Variants in TNK2 observed in about 807,000 individuals in gnomAD.
The protein encoded by TNK2 is activated CDC42 kinase 1.
In TNK2, 83 loss-of-function variants were observed where a neutral mutation model predicts 101.8. That is an observed-to-expected ratio of 0.82 (90% CI 0.68 to 0.98). TNK2 has a LOEUF of 0.98. TNK2 is among the 50% of genes least tolerant of loss of function. The pLI, the probability that TNK2 is intolerant of heterozygous loss-of-function variation, is 0.00. For missense variants in TNK2, 1,665 were observed against 1,483.2 expected (o/e 1.12, Z -2.01); for synonymous variants, 804 against 633.0 (o/e 1.27, Z -4.06).
At chr3:195,890,620 G>A (rs1180700102) in intron 1 of TNK2, among the ~76,000 whole-genome samples, 1 of 152,030 alleles carries the variant, frequency 6.6e-6, no homozygotes, top group Non-Finnish European at 1.5e-5. Context: ...TGTATTTTTA[G>A]TGGAGACAGG....
At position 195,865,070 on chromosome 3, in the gene TNK2, C is replaced by G. The variant is rs572926668; in HGVS notation, c.3162-883G>C. On this transcript the variant is annotated intron_variant, in intron 15 of 15. Coordinates refer to ENST00000672887, the MANE Select transcript of TNK2 (RefSeq NM_001382273.1). ...CCGAGACAGTGACAGACAGGTGACA[C>G]GGAGTGCCTGCGTCCCAGGTGCAAA... 1.5e-3 allele frequency among the ~76,000 whole-genome samples: 157 copies of G among 105,678 alleles called. 1 individual carries two copies. Among genetic ancestry groups the G allele is most frequent in the Non-Finnish European group, 2.2e-3 (117 of 53,118 alleles). The allele number at this position is 105,678 out of a possible 152,430, so 69.3% of individuals were successfully genotyped here.
chr3:195,889,773 C>T (rs55995666), intron 1 of TNK2, among the ~76,000 whole-genome samples: 1,659 of 152,340 alleles, frequency 0.011, 25 homozygotes, highest in African/African-American at 0.038. Flanking sequence ...ACCCACCGCA[C>T]AGCAAACCCA....
chr3:195,892,710 CCT>C, intron 1 of TNK2: 1 of 1,393,298 alleles, frequency 7.2e-7, no homozygotes, highest in Non-Finnish European at 9.3e-7. Flanking sequence ...CAGCCGGGAT[CCT>C]CTGTCCTGTT....
At chr3:195,870,227 C>A in intron 10 of TNK2, 22 bp from the exon 11 acceptor site, 1 of 1,601,984 alleles carries the variant, frequency 6.2e-7, no homozygotes, top group South Asian at 1.1e-5. Context: ...AGAGCTGGGT[C>A]AAGAGAGCAG....
chr3:195,883,317 G>A lies in TNK2; in HGVS notation c.457-8C>T, dbSNP rs749781435. On this transcript the variant is annotated splice_region_variant and splice_polypyrimidine_tract_variant and intron_variant, in intron 4 of 15. Coordinates refer to ENST00000672887, the MANE Select transcript of TNK2 (RefSeq NM_001382273.1). ...CTTCACAGCCACACTCACCTGCCCA[G>A]AGCGGGATTTGCAAGGACTCAGGAC... The A allele has an allele frequency of 6.2e-7, 1 of 1,612,696 alleles. No homozygotes were observed. Among genetic ancestry groups the A allele is most frequent in the South Asian group, 1.1e-5 (1 of 91,074 alleles).
At chr3:195,897,807 C>T (rs1244049428) in intron 1 of TNK2, among the ~76,000 whole-genome samples, 1 of 32,692 alleles carries the variant, frequency 3.1e-5, no homozygotes. Context: ...TGCCCACCCC[C>T]TCACCCCCCC....
At chr3:195,872,159 CG>C in intron 10 of TNK2, 116 bp downstream of exon 10, 2 of 1,197,420 alleles carry the variant, frequency 1.7e-6, no homozygotes, top group Non-Finnish European at 2.3e-6. Flanking sequence ...AGTGGCGGGT[CG>C]GGGGCTGAAG....
rs916463382 is a variant in TNK2 at position 195,867,588 on chromosome 3, G to T, written c.2710C>A (p.Pro904Thr). 6 of 1,590,012 alleles carry T rather than the reference G, an allele frequency of 3.8e-6. No homozygotes were observed. Among genetic ancestry groups the T allele is most frequent in the Admixed American group, 3.4e-5 (2 of 59,030 alleles). ...AQSPEEPTPL[P>T]VPLLLPPPST... Reference sequence around the variant, plus strand: ...GGTGGGGGCAGCAGCAGAGGCACAGGCAGGGGGGTAGGCTCCTCGGGGCTC... The same window carrying T: ...GGTGGGGGCAGCAGCAGAGGCACAGTCAGGGGGGTAGGCTCCTCGGGGCTC... Residue 904 changes from proline to threonine, a missense_variant, in exon 13 of 16, where the codon CCT becomes ACT. This residue lies in a region of TNK2 where 1,136 missense variants were observed against 894.9 expected (regional missense o/e 1.27). Coordinates refer to ENST00000672887, the MANE Select transcript of TNK2 (RefSeq NM_001382273.1).
At chr3:195,881,625 T>A (rs1204211778) in intron 6 of TNK2, among the ~76,000 whole-genome samples, 4 of 63,724 alleles carry the variant, frequency 6.3e-5, no homozygotes, top group Non-Finnish European at 5.0e-5. Context: ...ACAGCATCTA[T>A]CCTTGTAACA....
chr3:195,868,082 G>A lies in TNK2; in HGVS notation c.2216C>T (p.Ser739Phe), dbSNP rs1351485834. The change falls in exon 13 of 16, where the codon TCC becomes TTC. Residue 739 changes from serine to phenylalanine, a missense_variant. Coordinates refer to ENST00000672887, the MANE Select transcript of TNK2 (RefSeq NM_001382273.1). ...CMRQLQAPAG[S>F]PAPSPSPGGD... ...CCCCGGGCTGGGAGAGGGGGCCGGG[G>A]AGCCGGCCGGAGCCTGCAGTTGCCT... 37 of 1,609,194 alleles carry A rather than the reference G, an allele frequency of 2.3e-5. No individual in the cohort carries two copies. Among genetic ancestry groups the A allele is most frequent in the Non-Finnish European group, 3.1e-5 (36 of 1,178,916 alleles).
In TNK2 at chr3:195,868,298, C is replaced by T. The variant is rs1464219947; in HGVS notation, c.2000G>A (p.Ser667Asn). The part of the protein sequence containing the change: ...EDDFEICSIN[S>N]TLVGAGVPAG... ...AGGGACCCCCGCGCCCACGAGGGTG[C>T]TGTTGATGGAGCAGATCTCAAAGTC... The change falls in exon 13 of 16, where the codon AGC (serine) becomes AAC (asparagine). Residue 667 changes from serine to asparagine, a missense_variant. By Grantham distance (46) the Ser-to-Asn change is conservative. This residue lies in a region of TNK2 where 1,136 missense variants were observed against 894.9 expected (regional missense o/e 1.27). Transcript: ENST00000672887. The T allele has an allele frequency of 1.2e-6, 2 of 1,603,676 alleles. No homozygotes were observed. The highest frequency in any genetic ancestry group is 1.7e-5 in the Admixed American group (1 of 59,962).
intron 1 of TNK2, chr3:195,892,385 C>A: frequency 6.6e-7 from 1 of 1,520,762 alleles, no homozygotes; most frequent in Non-Finnish European, 8.8e-7. Flanking sequence ...CAGTCCCCAG[C>A]AGTCCAGCCC....
chr3:195,892,769 G>A (rs1319637818), intron 1 of TNK2: 16 of 1,230,688 alleles, frequency 1.3e-5, no homozygotes, highest in East Asian at 3.5e-5. Context: ...CCTACTCCCC[G>A]GCTTCCCCAC....
At chr3:195,895,286 G>A in intron 1 of TNK2, 2 of 1,570,756 alleles carry the variant, frequency 1.3e-6, no homozygotes, top group Non-Finnish European at 1.7e-6. Flanking sequence ...CTGGTAAGCA[G>A]ATCTCTCCCC....
intron 2 of TNK2, among the ~76,000 whole-genome samples, chr3:195,887,623 C>G (rs1433443750): frequency 6.6e-6 from 1 of 152,204 alleles, no homozygotes; most frequent in Non-Finnish European, 1.5e-5. Flanking sequence ...AGCCCTAATA[C>G]GTTTCTAATG....
chr3:195,870,607 C>T (rs1381254594), intron 10 of TNK2, among the ~76,000 whole-genome samples: 1 of 152,240 alleles, frequency 6.6e-6, no homozygotes, highest in Non-Finnish European at 1.5e-5. Context: ...GGGCAGGAGG[C>T]ACCCTTCTGC....
Position 195,868,289 on chromosome 3 carries a change from A to C in TNK2, c.2009T>G (p.Val670Gly). The C allele has an allele frequency of 6.2e-7, 1 of 1,603,802 alleles. No homozygotes were observed. Among genetic ancestry groups the C allele is most frequent in the Non-Finnish European group, 8.5e-7 (1 of 1,179,514 alleles). ...FEICSINSTL[V>G]GAGVPAGPSQ... Reference sequence around the variant, plus strand: ...GGGCCCGGCAGGGACCCCCGCGCCCACGAGGGTGCTGTTGATGGAGCAGAT... The same window carrying C: ...GGGCCCGGCAGGGACCCCCGCGCCCCCGAGGGTGCTGTTGATGGAGCAGAT... Residue 670 changes from valine to glycine, a missense_variant, in exon 13 of 16, where the codon GTG becomes GGG. By Grantham distance (109) the Val-to-Gly change is moderately radical. Around this residue, in one of 3 missense-constraint regions of TNK2, gnomAD observed 1,136 missense variants for 894.9 expected, o/e 1.27. Transcript: ENST00000672887.
chr3:195,879,197 G>C, intron 6 of TNK2, 22 bp from the exon 7 acceptor site: 1 of 1,612,164 alleles, frequency 6.2e-7, no homozygotes, highest in Non-Finnish European at 8.5e-7. Flanking sequence ...AGGGGTCAAA[G>C]AGAAGCCCTC....
chr3:195,892,572 C>T, intron 1 of TNK2: 2 of 1,483,142 alleles, frequency 1.3e-6, no homozygotes, highest in Middle Eastern at 2.2e-4. Context: ...CCAGGAGCCC[C>T]CCAAATCCCA....
Sources: allele counts gnomAD v4.1 joint callset (sites outside exome capture counted in the v4.1 genomes callset), GRCh38; gene constraint gnomAD v4.1.1; regional missense constraint gnomAD v4.1.1; transcripts MANE v1.5; gene names NCBI Gene and HGNC (gene_info 2026-07-23, HGNC 2026-07-21).